The following SEC63 variants were observed in gnomAD, a reference collection of about 807,000 sequenced individuals.
SEC63 encodes translocation protein SEC63 homolog.
A neutral mutation model predicts 116.2 loss-of-function variants in SEC63; 56 were observed. That is an observed-to-expected ratio of 0.48 (90% confidence interval 0.39 to 0.60). The LOEUF is 0.60. SEC63 is among the 20% of genes least tolerant of loss of function. The probability of loss-of-function intolerance (pLI) is 0.00; values close to 1 mark genes in which losing one functional copy is unlikely to be tolerated. For missense variants in SEC63, 668 were observed against 900.0 expected, an observed-to-expected ratio of 0.74 and a Z score of 3.30; for synonymous variants, 273 against 294.6, an observed-to-expected ratio of 0.93 and a Z score of 0.75.
chr6:107,917,825 C>T (rs565216353), intron 4 of SEC63, among the ~76,000 whole-genome samples: 2 of 152,310 alleles, frequency 1.3e-5, no homozygotes, highest in East Asian at 3.9e-4. Context: ...CCAAAAGAAA[C>T]CATCTCTACA....
At chr6:107,914,315 G>C (rs138335826) in intron 4 of SEC63, among the ~76,000 whole-genome samples, 1 of 152,096 alleles carries the variant, frequency 6.6e-6, no homozygotes, top group East Asian at 1.9e-4. Flanking sequence ...AGACCAACTG[G>C]TAAAAGATCT....
intron 4 of SEC63, among the ~76,000 whole-genome samples, chr6:107,919,509 A>G (rs1343687494): frequency 6.6e-6 from 1 of 152,184 alleles, no homozygotes; most frequent in Non-Finnish European, 1.5e-5. Flanking sequence ...GCAGAATGTG[A>G]GAGGATTGAC....
At chr6:107,913,855 A>T (rs996155639) in intron 4 of SEC63, among the ~76,000 whole-genome samples, 8 of 152,212 alleles carry the variant, frequency 5.3e-5, no homozygotes, top group African/African-American at 4.8e-5. Flanking sequence ...CACATTTTTT[A>T]AAAACATAAA....
chr6:107,888,223 G>A (rs1786583653), intron 16 of SEC63, among the ~76,000 whole-genome samples: 2 of 152,152 alleles, frequency 1.3e-5, no homozygotes, highest in Admixed American at 1.3e-4. Context: ...TCCTATCCAT[G>A]AGCATGTAAT....
chr6:107,915,394 C>G (rs532004516), intron 4 of SEC63, among the ~76,000 whole-genome samples: 2 of 152,248 alleles, frequency 1.3e-5, no homozygotes, highest in East Asian at 3.9e-4. Context: ...TTTCACTAAA[C>G]TGTAAACAAG....
At chr6:107,902,026 A>G (rs1787016506) in intron 12 of SEC63, among the ~76,000 whole-genome samples, 1 of 152,124 alleles carries the variant, frequency 6.6e-6, no homozygotes, top group Admixed American at 6.6e-5. Flanking sequence ...AGTAATATCC[A>G]TCTTGGCAAA....
chr6:107,896,661 T>C (rs757272220), intron 14 of SEC63, among the ~76,000 whole-genome samples: 4 of 152,094 alleles, frequency 2.6e-5, no homozygotes, highest in South Asian at 2.1e-4. Flanking sequence ...CATTTGAGGC[T>C]GACAAGGGGT....
chr6:107,930,678 A>C (rs1787781029), intron 1 of SEC63, among the ~76,000 whole-genome samples: 1 of 152,030 alleles, frequency 6.6e-6, no homozygotes, highest in Non-Finnish European at 1.5e-5. Flanking sequence ...TTAAGCTGGA[A>C]AAGTCTCCTA....
At chr6:107,920,425 C>CAAAAAAAAAAAA (rs34816965) in intron 4 of SEC63, among the ~76,000 whole-genome samples, 1 of 73,392 alleles carries the variant, frequency 1.4e-5, no homozygotes, top group Admixed American at 2.0e-4. Flanking sequence ...GACTCCGTCT[C>CAAAAAAAAAAAA]AAAAAAAAAA....
chr6:107,873,518 G>T (rs977695421), intron 19 of SEC63, among the ~76,000 whole-genome samples: 1 of 151,874 alleles, frequency 6.6e-6, no homozygotes, highest in Non-Finnish European at 1.5e-5. Context: ...TTACAGTCAA[G>T]ATTAAATATT....
At chr6:107,876,467 A>G (rs1786268763) in intron 19 of SEC63, 97 bp downstream of exon 19, 2 of 812,378 alleles carry the variant, frequency 2.5e-6, no homozygotes, top group East Asian at 2.5e-5. Context: ...ACAATATGCT[A>G]AATATGATAA....
rs1485174619 is a variant in SEC63 at position 107,924,975 on chromosome 6, G to T, written c.225-43C>A. The T allele has an allele frequency of 4.6e-6, 5 of 1,093,318 alleles. No individual in the cohort carries two copies. The South Asian group carries it at 6.2e-5, about 14-fold the overall frequency. The allele number at this position is 1,093,318 out of a possible 1,614,324, so 67.7% of individuals were successfully genotyped here. ...AAGTGAATCATAAACAAATACATCTGCATAGAGTCTAAAGACATTATGGCA... is the reference window on the plus strand; with the variant it reads ...AAGTGAATCATAAACAAATACATCTTCATAGAGTCTAAAGACATTATGGCA... On this transcript the variant is annotated intron_variant, in intron 2 of 20. Transcript: ENST00000369002.
chr6:107,909,640 TA>T (rs1034640919), intron 7 of SEC63, among the ~76,000 whole-genome samples: 1 of 152,144 alleles, frequency 6.6e-6, no homozygotes, highest in African/African-American at 2.4e-5. Flanking sequence ...CAAAAAGGGA[TA>T]AAACTACCCA....
chr6:107,912,833 A>G (rs1787312564), intron 5 of SEC63, 59 bp from the exon 6 acceptor site: 1 of 1,189,698 alleles, frequency 8.4e-7, no homozygotes, highest in Non-Finnish European at 1.2e-6. Flanking sequence ...TAATAAATAC[A>G]TTAAATATAT....
At chr6:107,898,821 G>C (rs2114436199) in intron 13 of SEC63, among the ~76,000 whole-genome samples, 1 of 152,074 alleles carries the variant, frequency 6.6e-6, no homozygotes, top group Admixed American at 6.5e-5. Flanking sequence ...TTTACCTACA[G>C]TTTTAAGTTT....
intron 4 of SEC63, among the ~76,000 whole-genome samples, chr6:107,920,870 T>C (rs1267833221): frequency 1.3e-5 from 2 of 152,210 alleles, no homozygotes; most frequent in Non-Finnish European, 2.9e-5. Context: ...CACAGACATA[T>C]GTGTGTGCAT....
At chr6:107,920,758 T>G (rs907193448) in intron 4 of SEC63, among the ~76,000 whole-genome samples, 1 of 152,314 alleles carries the variant, frequency 6.6e-6, no homozygotes, top group East Asian at 1.9e-4. Context: ...TTAAGTTTTA[T>G]CTCTTGGAAG....
At chr6:107,877,303 TAAAAC>T (rs1403571783) in intron 18 of SEC63, 1 of 152,152 alleles carries the variant, frequency 6.6e-6, no homozygotes, top group Admixed American at 6.6e-5. Context: ...TTTTACAGCT[TAAAAC>T]AAAATAAACT....
chr6:107,913,057 AAC>A (rs1240903893), intron 5 of SEC63, among the ~76,000 whole-genome samples: 1 of 152,164 alleles, frequency 6.6e-6, no homozygotes, highest in Non-Finnish European at 1.5e-5. Context: ...AGTTTACATA[AAC>A]ACTATGAACA....
Sources: gnomAD v4.1 joint callset for allele counts (sites outside exome capture counted in the v4.1 genomes callset) on GRCh38, gnomAD v4.1.1 for gene constraint, MANE v1.5 for transcripts, NCBI Gene and HGNC (gene_info 2026-07-23, HGNC 2026-07-21) for gene names.